The following SFXN1 variants were observed in gnomAD, a reference collection of about 807,000 sequenced individuals.
SFXN1 encodes the protein sideroflexin-1.
A neutral mutation model predicts 39.5 loss-of-function variants in SFXN1; 32 were observed. The observed-to-expected ratio is 0.81, with a 90% CI of 0.61 to 1.09. The LOEUF is 1.09. Ranked by LOEUF, SFXN1 falls within the 50% of genes least tolerant of loss-of-function variation. The pLI, the probability that SFXN1 is intolerant of heterozygous loss-of-function variation, is 0.00. For synonymous variants in SFXN1, 136 were observed against 146.5 expected (o/e 0.93, Z 0.52); for missense variants, 402 against 407.1 (o/e 0.99, Z 0.11).
chr5:175,517,372 G>A (rs995335027), intron 8 of SFXN1, among the ~76,000 whole-genome samples: 6 of 151,528 alleles, frequency 4.0e-5, no homozygotes, highest in Admixed American at 1.3e-4. Flanking sequence ...TCTTCCCACC[G>A]AAGCCCCCTA....
At chr5:175,496,300 G>T (rs771614182) in intron 2 of SFXN1, among the ~76,000 whole-genome samples, 1 of 151,864 alleles carries the variant, frequency 6.6e-6, no homozygotes, top group Admixed American at 6.6e-5. Context: ...CTTGAACCCG[G>T]GAGGCAGAGG....
intron 8 of SFXN1, 51 bp downstream of exon 8, chr5:175,516,714 G>T (rs779149066): frequency 1.3e-5 from 20 of 1,577,998 alleles, no homozygotes; most frequent in Non-Finnish European, 1.7e-5. Flanking sequence ...TTTCTTTTCA[G>T]ATTTCAAACC....
chr5:175,480,578 G>A (rs2113245995), intron 1 of SFXN1, among the ~76,000 whole-genome samples: 1 of 152,294 alleles, frequency 6.6e-6, no homozygotes, highest in South Asian at 2.1e-4. Context: ...CATAATTCAG[G>A]ATCAGTGAAG....
chr5:175,484,526 C>T (rs1241553720), intron 1 of SFXN1, among the ~76,000 whole-genome samples: 1 of 152,220 alleles, frequency 6.6e-6, no homozygotes, highest in Non-Finnish European at 1.5e-5. Flanking sequence ...ACCAAGTGGC[C>T]CGGCCAGCCC....
intron 7 of SFXN1, among the ~76,000 whole-genome samples, chr5:175,516,150 A>G (rs115028365): frequency 0.035 from 5,338 of 152,172 alleles, 269 homozygotes; most frequent in African/African-American, 0.12. Flanking sequence ...CCTGCTGGGC[A>G]GCCCTATTCC....
intron 6 of SFXN1, 140 bp from the exon 7 acceptor site, chr5:175,513,323 A>C (rs1248783002): frequency 4.7e-6 from 2 of 423,180 alleles, no homozygotes; most frequent in Admixed American, 4.8e-5. Flanking sequence ...AAAAAAAAAA[A>C]ACAGATGTGT....
chr5:175,517,554 A>G (rs1311791572), intron 8 of SFXN1, among the ~76,000 whole-genome samples: 6 of 152,142 alleles, frequency 3.9e-5, no homozygotes, highest in Admixed American at 3.9e-4. Flanking sequence ...GCTCTGAAAA[A>G]GTAATGGCTA....
At chr5:175,493,510 C>T (rs892375529) in intron 2 of SFXN1, among the ~76,000 whole-genome samples, 5 of 151,914 alleles carry the variant, frequency 3.3e-5, no homozygotes, top group African/African-American at 7.3e-5. Flanking sequence ...TGCCAATGTG[C>T]GTAAAGAGGG....
At chr5:175,499,777 G>A (rs1208721368) in intron 2 of SFXN1, among the ~76,000 whole-genome samples, 1 of 152,230 alleles carries the variant, frequency 6.6e-6, no homozygotes, top group Non-Finnish European at 1.5e-5. Context: ...CATTGTGCTA[G>A]AGGTTCTAAC....
chr5:175,479,134 G>A (rs1029486413), intron 1 of SFXN1, among the ~76,000 whole-genome samples: 5 of 152,264 alleles, frequency 3.3e-5, no homozygotes, highest in African/African-American at 1.2e-4. Flanking sequence ...CAATCCAGTA[G>A]GGAGGTGATG....
At chr5:175,508,435 A>G (rs571554947) in intron 2 of SFXN1, among the ~76,000 whole-genome samples, 16 of 151,606 alleles carry the variant, frequency 1.1e-4, no homozygotes, top group African/African-American at 3.9e-4. Context: ...GAGTCTCACC[A>G]TGTTGCTAAG....
intron 1 of SFXN1, among the ~76,000 whole-genome samples, chr5:175,491,316 T>C (rs1433565933): frequency 1.3e-5 from 2 of 152,334 alleles, no homozygotes; most frequent in East Asian, 3.9e-4. Flanking sequence ...AATCTGCGTC[T>C]TTTTTAGTTG....
intron 2 of SFXN1, among the ~76,000 whole-genome samples, chr5:175,494,048 C>T (rs539247101): frequency 6.6e-6 from 1 of 151,948 alleles, no homozygotes; most frequent in Non-Finnish European, 1.5e-5. Flanking sequence ...AGAATGGAGA[C>T]TGAAGATAAA....
chr5:175,493,184 C>T (rs567773172), intron 2 of SFXN1, among the ~76,000 whole-genome samples: 1 of 151,846 alleles, frequency 6.6e-6, no homozygotes, highest in African/African-American at 2.4e-5. Context: ...AGCCAGGAGG[C>T]AGAGCCGGCA....
rs528893459 is a variant in SFXN1 at position 175,480,966 on chromosome 5, G to C, written c.-10+2327G>C. On this transcript the variant is annotated intron_variant, in intron 1 of 10. Transcript: ENST00000321442. ...CAGAAAGTGAAAAGTCATTAAATTA[G>C]ACCATGTGTCAAACCTGCACTTAAT... is the stretch of plus-strand genomic sequence containing the variant. 4.9e-4 allele frequency among the ~76,000 whole-genome samples: 74 copies of C among 152,344 alleles called. 1 individual carries two copies. Among genetic ancestry groups the C allele is most frequent in the South Asian group, 4.1e-3 (20 of 4,824 alleles).
chr5:175,513,764 G>T, intron 7 of SFXN1, 174 bp downstream of exon 7: 1 of 638,408 alleles, frequency 1.6e-6, no homozygotes, highest in Non-Finnish European at 2.6e-6. Flanking sequence ...TGGTGATGAG[G>T]GCAAGGGGGC....
At chr5:175,503,071 G>A in intron 2 of SFXN1, among the ~76,000 whole-genome samples, 1 of 152,150 alleles carries the variant, frequency 6.6e-6, no homozygotes, top group Non-Finnish European at 1.5e-5. Flanking sequence ...TTGGTTGGCA[G>A]GAAGTGAGGA....
intron 1 of SFXN1, 83 bp downstream of exon 1, chr5:175,478,722 T>C (rs1759114282): frequency 6.6e-6 from 1 of 151,546 alleles, no homozygotes; most frequent in Non-Finnish European, 1.5e-5. Flanking sequence ...TTGGGCAGGC[T>C]CGGGCCGTGC....
chr5:175,509,787 A>T (rs1760447676), intron 3 of SFXN1, among the ~76,000 whole-genome samples: 1 of 152,200 alleles, frequency 6.6e-6, no homozygotes, highest in African/African-American at 2.4e-5. Context: ...CTTAGCCTAC[A>T]AATTGTATCT....
Sources: allele counts gnomAD v4.1 joint callset (sites outside exome capture counted in the v4.1 genomes callset), GRCh38; gene constraint gnomAD v4.1.1; transcripts MANE v1.5; gene names NCBI Gene and HGNC (gene_info 2026-07-23, HGNC 2026-07-21).